RALYL: variants seen among roughly 807,000 people sequenced by gnomAD.
The protein encoded by RALYL is RNA-binding Raly-like protein.
RALYL carries 29 observed loss-of-function variants against 35.1 expected under a neutral mutation model. The observed-to-expected ratio is 0.83, with a 90% CI of 0.61 to 1.13. The LOEUF is 1.13. Ranked by LOEUF, RALYL falls within the 50% of genes most tolerant of loss-of-function variation. The probability of loss-of-function intolerance (pLI) is 0.00; values close to 1 mark genes in which losing one functional copy is unlikely to be tolerated. For synonymous variants in RALYL, 120 were observed against 127.6 expected, an observed-to-expected ratio of 0.94 and a Z score of 0.40; for missense variants, 359 against 360.4, an observed-to-expected ratio of 1.00 and a Z score of 0.03.
intron 1 of RALYL, among the ~76,000 whole-genome samples, chr8:84,319,028 C>CT (rs1281521448): frequency 4.6e-5 from 7 of 151,836 alleles, no homozygotes; most frequent in African/African-American, 1.5e-4. Context: ...AAGTATTTAA[C>CT]ATACTTTTTT....
At chr8:84,267,076 AT>A (rs201607575) in intron 1 of RALYL, among the ~76,000 whole-genome samples, 1,925 of 152,238 alleles carry the variant, frequency 0.013, 59 homozygotes, top group African/African-American at 0.043. Flanking sequence ...TAAGCAGCGG[AT>A]GTGCTCATTA....
chr8:84,907,494 C>T (rs1388202527), intron 8 of RALYL, among the ~76,000 whole-genome samples: 1 of 152,022 alleles, frequency 6.6e-6, no homozygotes, highest in East Asian at 1.9e-4. Context: ...AAAATAACTT[C>T]GAGGAGTAGC....
intron 4 of RALYL, among the ~76,000 whole-genome samples, chr8:84,816,790 C>A (rs887648858): frequency 1.3e-5 from 2 of 151,932 alleles, no homozygotes; most frequent in Admixed American, 1.3e-4. Flanking sequence ...TAACACAAAG[C>A]GTAAATGCTT....
intron 6 of RALYL, among the ~76,000 whole-genome samples, chr8:84,869,248 A>T (rs1024403578): frequency 6.6e-6 from 1 of 152,354 alleles, no homozygotes; most frequent in East Asian, 1.9e-4. Flanking sequence ...TGCATATCAC[A>T]TGACTTTGGG....
At chr8:84,554,974 T>G (rs1434490911) in intron 2 of RALYL, among the ~76,000 whole-genome samples, 1 of 152,044 alleles carries the variant, frequency 6.6e-6, no homozygotes, top group Non-Finnish European at 1.5e-5. Flanking sequence ...TATGCTGACT[T>G]TAGATCCTAG....
At position 84,720,055 on chromosome 8, in the gene RALYL, C is replaced by T. The variant is rs148165072; in HGVS notation, c.257-54524C>T. ...TAGCTCACTTCACTTAATGTAGTGT[C>T]CTCCAGGTTCATGCATGTTGTCACA... On this transcript the variant is annotated intron_variant, in intron 2 of 8. Transcript: ENST00000521268. Among the ~76,000 whole-genome samples, 551 of 152,138 alleles carry T rather than the reference C, an allele frequency of 3.6e-3. 6 individuals carry two copies. The highest frequency in any genetic ancestry group is 0.013 in the African/African-American group (529 of 41,520).
At chr8:84,771,209 A>T (rs1815404089) in intron 2 of RALYL, among the ~76,000 whole-genome samples, 1 of 151,826 alleles carries the variant, frequency 6.6e-6, no homozygotes, top group Admixed American at 6.6e-5. Context: ...TATGGCCCTA[A>T]TTCATTTTCT....
chr8:84,414,863 A>T (rs2044473250), intron 1 of RALYL, among the ~76,000 whole-genome samples: 1 of 152,156 alleles, frequency 6.6e-6, no homozygotes, highest in Non-Finnish European at 1.5e-5. Flanking sequence ...AAGAGAGATG[A>T]ATGTTCTGCT....
intron 1 of RALYL, among the ~76,000 whole-genome samples, chr8:84,231,706 G>A (rs1226957996): frequency 6.6e-6 from 1 of 152,152 alleles, no homozygotes; most frequent in African/African-American, 2.4e-5. Context: ...GTTTACATCT[G>A]CAAATATCTC....
intron 1 of RALYL, among the ~76,000 whole-genome samples, chr8:84,477,556 A>T (rs2053569045): frequency 6.7e-6 from 1 of 150,170 alleles, no homozygotes; most frequent in South Asian, 2.1e-4. Context: ...TATATTAAAT[A>T]AAAATACGAT....
intron 1 of RALYL, among the ~76,000 whole-genome samples, chr8:84,416,935 G>A (rs2044772767): frequency 6.6e-6 from 1 of 152,012 alleles, no homozygotes. Flanking sequence ...TTGGTATAGG[G>A]AAAATAAGCT....
intron 6 of RALYL, among the ~76,000 whole-genome samples, chr8:84,869,855 ATCATCCCGTGTGCCTAATAT>A (rs1323236417): frequency 6.6e-6 from 1 of 152,202 alleles, no homozygotes; most frequent in Non-Finnish European, 1.5e-5. Flanking sequence ...GACAGATGAT[ATCATCCCGTGTGCCTAATAT>A]TCTTTTTGGA....
chr8:84,467,563 G>C lies in RALYL; in HGVS notation c.-23-61736G>C, dbSNP rs571343685. Among the ~76,000 whole-genome samples the C allele has an allele frequency of 2.7e-3, 402 of 147,292 alleles. 1 individual carries two copies. Among genetic ancestry groups the C allele is most frequent in the African/African-American group, 9.6e-3 (385 of 40,312 alleles). ...TTGCTGAGGAGAGCTTTACTTCCAA[G>C]TATGTGGTCAATTTTGGAATAGGTG... is the stretch of plus-strand genomic sequence containing the variant. On this transcript the variant is annotated intron_variant, in intron 1 of 8. Transcript: ENST00000521268.
At chr8:84,541,629 A>C (rs2060023230) in intron 2 of RALYL, among the ~76,000 whole-genome samples, 1 of 151,926 alleles carries the variant, frequency 6.6e-6, no homozygotes, top group Non-Finnish European at 1.5e-5. Context: ...ATCGTTACTG[A>C]TTTTTGTCCT....
Position 84,702,520 on chromosome 8 carries a change from GTCTCTC to G in RALYL, c.257-72044_257-72039del, listed in dbSNP as rs141253736. On this transcript the variant is annotated intron_variant, in intron 2 of 8. Transcript: ENST00000521268. ...TATTTAGCATAGGGCTAGTTGCATAGTCTCTCTCTCTCTCTCTCTCACACACACACA... is the reference window on the plus strand; with the variant it reads ...TATTTAGCATAGGGCTAGTTGCATAGTCTCTCTCTCTCTCACACACACACA... Among the ~76,000 whole-genome samples the G allele has an allele frequency of 4.2e-5, 6 of 141,780 alleles. No homozygotes were observed. In the Admixed American group the frequency reaches 4.3e-4, roughly 10 times the overall value. 93.0% of individuals were successfully genotyped at this position (141,780 alleles called of 152,430 possible). A position where few individuals can be genotyped will look rare whatever the true frequency, so the allele number is the denominator to read the frequency against.
intron 2 of RALYL, among the ~76,000 whole-genome samples, chr8:84,556,273 G>T (rs1368173729): frequency 6.6e-6 from 1 of 152,118 alleles, no homozygotes; most frequent in Non-Finnish European, 1.5e-5. Context: ...AATGTATGAA[G>T]CCACTGAAAC....
At chr8:84,542,604 A>G (rs1379464181) in intron 2 of RALYL, among the ~76,000 whole-genome samples, 3 of 152,188 alleles carry the variant, frequency 2.0e-5, no homozygotes, top group Non-Finnish European at 4.4e-5. Context: ...TCTTGCTGCC[A>G]CCATGTGAGG....
intron 2 of RALYL, among the ~76,000 whole-genome samples, chr8:84,606,831 C>A (rs1260864667): frequency 6.6e-6 from 1 of 151,948 alleles, no homozygotes; most frequent in East Asian, 1.9e-4. Flanking sequence ...TGTTTAAGGT[C>A]TTTATATAAG....
chr8:84,229,926 A>G (rs1237081846), intron 1 of RALYL, among the ~76,000 whole-genome samples: 1 of 152,210 alleles, frequency 6.6e-6, no homozygotes, highest in Non-Finnish European at 1.5e-5. Flanking sequence ...TGCTTGTAGA[A>G]TTAAAACCTG....
Sources: allele counts gnomAD v4.1 joint callset (sites outside exome capture counted in the v4.1 genomes callset), GRCh38; gene constraint gnomAD v4.1.1; transcripts MANE v1.5; gene names NCBI Gene and HGNC (gene_info 2026-07-23, HGNC 2026-07-21).